Variants in TBCA observed in about 807,000 individuals in gnomAD.
The protein encoded by TBCA is tubulin-specific chaperone A.
Under a neutral mutation model 15.8 loss-of-function variants are expected in TBCA, and 6 were observed. The observed-to-expected ratio is 0.38, with a 90% CI of 0.21 to 0.75. TBCA has a LOEUF of 0.75. Among genes scored for constraint, TBCA ranks in the 30% least tolerant of loss-of-function variants. TBCA has a pLI of 0.46. For missense variants in TBCA, 90 were observed against 131.2 expected, an observed-to-expected ratio of 0.69 and a Z score of 1.53; for synonymous variants, 32 against 42.3, an observed-to-expected ratio of 0.76 and a Z score of 0.94.
intron 1 of TBCA, among the ~76,000 whole-genome samples, chr5:77,739,448 C>T (rs1031919875): frequency 6.6e-6 from 1 of 152,070 alleles, no homozygotes; most frequent in Non-Finnish European, 1.5e-5. Context: ...GTGAGTGAGG[C>T]GCTGTCTCAA....
chr5:77,721,453 A>G (rs193182679), intron 1 of TBCA, among the ~76,000 whole-genome samples: 2 of 152,284 alleles, frequency 1.3e-5, no homozygotes, highest in East Asian at 1.9e-4. Flanking sequence ...CTTTTGTACA[A>G]AAGAATGACA....
intron 3 of TBCA, chr5:77,692,376 T>C: frequency 7.1e-6 from 7 of 984,716 alleles, no homozygotes; most frequent in Non-Finnish European, 8.4e-6. Context: ...AAATACAAGC[T>C]CTTCAAGGGC....
At chr5:77,721,037 T>A (rs945635479) in intron 1 of TBCA, among the ~76,000 whole-genome samples, 3 of 152,326 alleles carry the variant, frequency 2.0e-5, no homozygotes, top group South Asian at 4.1e-4. Context: ...CAAACTAATA[T>A]TGATTATCAT....
chr5:77,743,828 T>G (rs980615362), intron 1 of TBCA, among the ~76,000 whole-genome samples: 1 of 152,140 alleles, frequency 6.6e-6, no homozygotes, highest in Non-Finnish European at 1.5e-5. Flanking sequence ...CCTTCCCATT[T>G]CACAAAGTTG....
intron 1 of TBCA, among the ~76,000 whole-genome samples, chr5:77,775,263 C>A (rs1465886480): frequency 1.3e-5 from 2 of 152,194 alleles, no homozygotes; most frequent in Non-Finnish European, 2.9e-5. Context: ...ATTCTTCTAT[C>A]CCTCTCTCAC....
chr5:77,704,677 A>AT (rs1746105970), intron 2 of TBCA, among the ~76,000 whole-genome samples: 2 of 146,272 alleles, frequency 1.4e-5, no homozygotes, highest in Non-Finnish European at 3.0e-5. Flanking sequence ...ATTGTATATG[A>AT]TAAAAAAAAA....
chr5:77,711,895 G>A (rs141377019), intron 1 of TBCA, among the ~76,000 whole-genome samples: 44 of 151,640 alleles, frequency 2.9e-4, no homozygotes, highest in African/African-American at 8.5e-4. Context: ...TACAAGTTAC[G>A]TTTTTGCTTA....
chr5:77,702,952 A>T (rs897776074), intron 2 of TBCA, among the ~76,000 whole-genome samples: 1 of 152,148 alleles, frequency 6.6e-6, no homozygotes, highest in South Asian at 2.1e-4. Flanking sequence ...GCCTTGTGAG[A>T]CACTCCTGGT....
chr5:77,731,948 T>C (rs757562753), intron 1 of TBCA, among the ~76,000 whole-genome samples: 40 of 152,166 alleles, frequency 2.6e-4, no homozygotes, highest in Non-Finnish European at 5.3e-4. Context: ...CATTACTGAC[T>C]GTTAAGGAAG....
intron 2 of TBCA, among the ~76,000 whole-genome samples, chr5:77,699,033 CAA>C (rs71608119): frequency 3.6e-4 from 25 of 70,086 alleles, no homozygotes; most frequent in African/African-American, 9.0e-4. Context: ...GCAAGAGCAT[CAA>C]AAAAAAAAAA....
chr5:77,717,555 C>A (rs941696832), intron 1 of TBCA, among the ~76,000 whole-genome samples: 3 of 152,080 alleles, frequency 2.0e-5, no homozygotes, highest in Non-Finnish European at 4.4e-5. Flanking sequence ...TTTAGTCGGG[C>A]GCAGTGGCTC....
intron 1 of TBCA, among the ~76,000 whole-genome samples, chr5:77,733,740 G>A (rs190970271): frequency 5.1e-4 from 78 of 152,344 alleles, no homozygotes; most frequent in African/African-American, 1.7e-3. Context: ...AGATGATCTA[G>A]CTAAGATCAC....
chr5:77,775,938 C>G (rs1354067394), intron 1 of TBCA, among the ~76,000 whole-genome samples: 1 of 152,132 alleles, frequency 6.6e-6, no homozygotes, highest in Non-Finnish European at 1.5e-5. Flanking sequence ...CCGCGGGCGC[C>G]GAGAAACCGG....
At chr5:77,771,919 T>C (rs181797467) in intron 1 of TBCA, among the ~76,000 whole-genome samples, 5 of 152,222 alleles carry the variant, frequency 3.3e-5, no homozygotes, top group Admixed American at 2.6e-4. Flanking sequence ...AGAGAGAAAA[T>C]TGAAGGATTT....
chr5:77,702,177 A>G (rs1746034632), intron 2 of TBCA, among the ~76,000 whole-genome samples: 1 of 152,116 alleles, frequency 6.6e-6, no homozygotes, highest in South Asian at 2.1e-4. Flanking sequence ...TGTGCCCCCA[A>G]AACCTACAGA....
intron 1 of TBCA, among the ~76,000 whole-genome samples, chr5:77,725,959 A>G (rs566646776): frequency 2.6e-5 from 4 of 152,350 alleles, no homozygotes; most frequent in African/African-American, 9.6e-5. Flanking sequence ...AGCTGAGATT[A>G]TTTTAAATGA....
At position 77,766,786 on chromosome 5, in the gene TBCA, C is replaced by T. The variant is rs559475630; in HGVS notation, c.53+9419G>A. Among the ~76,000 whole-genome samples the T allele has an allele frequency of 9.0e-5, 2 of 22,194 alleles. 1 individual carries two copies. Among genetic ancestry groups the T allele is most frequent in the South Asian group, 2.4e-3 (2 of 834 alleles). 14.6% of individuals were successfully genotyped at this position (22,194 alleles called of 152,430 possible). A position where few individuals can be genotyped will look rare whatever the true frequency, so the allele number is the denominator to read the frequency against. ...TGCTGGGATTACAGGCGTGAGCCAC[C>T]GCGCCCGGCTCTCACTTTTATTTAT... On this transcript the variant is annotated intron_variant, in intron 1 of 3. Coordinates refer to ENST00000380377, the MANE Select transcript of TBCA (RefSeq NM_004607.3).
chr5:77,748,308 G>T (rs2112488901), intron 1 of TBCA, among the ~76,000 whole-genome samples: 1 of 151,984 alleles, frequency 6.6e-6, no homozygotes, highest in Non-Finnish European at 1.5e-5. Flanking sequence ...TAATTAGCTG[G>T]GTAATCCTGA....
intron 1 of TBCA, among the ~76,000 whole-genome samples, chr5:77,770,720 C>G (rs1380083141): frequency 6.8e-6 from 1 of 147,824 alleles, no homozygotes; most frequent in East Asian, 1.9e-4. Context: ...AAACATAGAT[C>G]CAAATCTTAA....
Sources: allele counts gnomAD v4.1 joint callset (sites outside exome capture counted in the v4.1 genomes callset), GRCh38; gene constraint gnomAD v4.1.1; transcripts MANE v1.5; gene names NCBI Gene and HGNC (gene_info 2026-07-23, HGNC 2026-07-21).